ROBO2: variants seen among roughly 807,000 people sequenced by gnomAD.
The protein encoded by ROBO2 is roundabout guidance receptor 2, also known as roundabout homolog 2.
Under a neutral mutation model 160.8 loss-of-function variants are expected in ROBO2, and 53 were observed. The observed-to-expected ratio is 0.33, with a 90% CI of 0.26 to 0.41. The LOEUF is 0.41. Ranked by LOEUF, ROBO2 falls within the 10% of genes least tolerant of loss-of-function variation. The pLI, the probability that ROBO2 is intolerant of heterozygous loss-of-function variation, is 1.00. For synonymous variants in ROBO2, 664 were observed against 611.7 expected (o/e 1.09, Z -1.26); for missense variants, 1,577 against 1,722.4 (o/e 0.92, Z 1.49).
At chr3:75,957,961 T>G (rs35742811) in intron 2 of ROBO2, among the ~76,000 whole-genome samples, 60,880 of 151,494 alleles carry the variant, frequency 0.4, 13,179 homozygotes, top group Non-Finnish European at 0.49. Context: ...TTGTTGTCAT[T>G]TAGAAGAGGA....
intron 2 of ROBO2, among the ~76,000 whole-genome samples, chr3:76,000,193 A>G (rs2065842650): frequency 6.6e-6 from 1 of 152,168 alleles, no homozygotes; most frequent in African/African-American, 2.4e-5. Context: ...TATATTTTGC[A>G]TGATACAATT....
At chr3:76,755,608 C>T (rs1365312903) in intron 2 of ROBO2, among the ~76,000 whole-genome samples, 1 of 151,828 alleles carries the variant, frequency 6.6e-6, no homozygotes, top group Non-Finnish European at 1.5e-5. Context: ...GATTTTTGTT[C>T]TCATGGTGAC....
At chr3:77,403,424 A>G (rs1403292717) in intron 2 of ROBO2, among the ~76,000 whole-genome samples, 1 of 151,978 alleles carries the variant, frequency 6.6e-6, no homozygotes, top group Non-Finnish European at 1.5e-5. Flanking sequence ...TATGACTTCC[A>G]CTGTTTAGAG....
At chr3:76,341,863 A>G (rs899617790) in intron 2 of ROBO2, among the ~76,000 whole-genome samples, 9 of 152,194 alleles carry the variant, frequency 5.9e-5, no homozygotes, top group Admixed American at 4.6e-4. Context: ...GTATTTTCTG[A>G]ATGAATCTTT....
At chr3:76,736,344 G>A (rs929000772) in intron 2 of ROBO2, among the ~76,000 whole-genome samples, 1 of 107,008 alleles carries the variant, frequency 9.3e-6, no homozygotes, top group Non-Finnish European at 2.0e-5. Context: ...CGTATCAGTA[G>A]ACACTGAATA....
At chr3:76,673,016 A>C (rs939309559) in intron 2 of ROBO2, among the ~76,000 whole-genome samples, 2 of 151,946 alleles carry the variant, frequency 1.3e-5, no homozygotes, top group African/African-American at 4.8e-5. Flanking sequence ...AAGTGACAGA[A>C]ATGATAGTAA....
At chr3:77,598,499 A>G (rs1460552314) in intron 19 of ROBO2, among the ~76,000 whole-genome samples, 6 of 134,634 alleles carry the variant, frequency 4.5e-5, no homozygotes, top group African/African-American at 1.6e-4. Context: ...ATATATATAT[A>G]TATACGCACA....
intron 2 of ROBO2, among the ~76,000 whole-genome samples, chr3:77,367,500 G>A (rs2071079983): frequency 6.6e-6 from 1 of 152,000 alleles, no homozygotes; most frequent in Non-Finnish European, 1.5e-5. Flanking sequence ...CCGGACTCGC[G>A]ATAGTTTTCA....
chr3:77,455,789 A>G (rs1375953964), intron 2 of ROBO2, among the ~76,000 whole-genome samples: 1 of 149,976 alleles, frequency 6.7e-6, no homozygotes. Context: ...ATTTTTATTC[A>G]TTCATTAATA....
chr3:76,751,521 G>A (rs1576416302), intron 2 of ROBO2, among the ~76,000 whole-genome samples: 1 of 152,188 alleles, frequency 6.6e-6, no homozygotes, highest in East Asian at 1.9e-4. Context: ...TACAGAATGG[G>A]AGAAAATGTT....
At chr3:76,799,163 G>T (rs983213681) in intron 2 of ROBO2, among the ~76,000 whole-genome samples, 1 of 150,762 alleles carries the variant, frequency 6.6e-6, no homozygotes, top group Non-Finnish European at 1.5e-5. Flanking sequence ...GCGGTGAGCC[G>T]AGATGGCGCC....
intron 2 of ROBO2, among the ~76,000 whole-genome samples, chr3:76,419,763 T>G (rs910470027): frequency 6.6e-6 from 1 of 152,166 alleles, no homozygotes; most frequent in Admixed American, 6.5e-5. Context: ...ATGGGAATCA[T>G]GTAGCTGAAT....
intron 2 of ROBO2, among the ~76,000 whole-genome samples, chr3:77,168,134 C>T (rs1313476671): frequency 2.0e-5 from 3 of 152,172 alleles, no homozygotes; most frequent in Non-Finnish European, 2.9e-5. Flanking sequence ...CTGAGGGTGC[C>T]GTGAACTCCT....
intron 2 of ROBO2, among the ~76,000 whole-genome samples, chr3:76,449,884 C>T (rs149030633): frequency 2.0e-3 from 305 of 152,198 alleles, no homozygotes; most frequent in Non-Finnish European, 3.7e-3. Context: ...AAATATTCCA[C>T]CTGCTCATAC....
At chr3:75,913,274 C>T (rs2324398) in intron 1 of ROBO2, among the ~76,000 whole-genome samples, 2 of 152,272 alleles carry the variant, frequency 1.3e-5, no homozygotes, top group African/African-American at 4.8e-5. Flanking sequence ...ACATGGATGA[C>T]GTGGGATAAT....
Position 75,996,115 on chromosome 3 carries a change from G to A in ROBO2, c.109+58513G>A, listed in dbSNP as rs1318000847. Among the ~76,000 whole-genome samples the A allele has an allele frequency of 2.0e-5, 3 of 152,256 alleles. No individual in the cohort carries two copies. In the East Asian group the frequency reaches 5.8e-4, roughly 30 times the overall value. ...TGAGGTAAGACTTCAGGGGACTGTTGAGAAGGCATGGTTTGTTTTGAAATG... is the reference window on the plus strand; with the variant it reads ...TGAGGTAAGACTTCAGGGGACTGTTAAGAAGGCATGGTTTGTTTTGAAATG... On this transcript the variant is annotated intron_variant, in intron 2 of 26. Transcript: ENST00000487694.
intron 16 of ROBO2, among the ~76,000 whole-genome samples, chr3:77,584,273 C>A (rs895759235): frequency 6.6e-6 from 1 of 152,058 alleles, no homozygotes; most frequent in African/African-American, 2.4e-5. Flanking sequence ...GTATGGATTG[C>A]GGTGCTCCCT....
At chr3:77,522,351 T>C (rs2090689233) in intron 5 of ROBO2, among the ~76,000 whole-genome samples, 1 of 151,300 alleles carries the variant, frequency 6.6e-6, no homozygotes, top group Non-Finnish European at 1.5e-5. Flanking sequence ...TGTTCTTTAA[T>C]ATATTTCGGC....
chr3:76,317,426 T>G (rs976756298), intron 2 of ROBO2, among the ~76,000 whole-genome samples: 3 of 152,108 alleles, frequency 2.0e-5, no homozygotes, highest in African/African-American at 7.2e-5. Flanking sequence ...TTTGGAAAAC[T>G]CTGTCAGACT....
Sources: allele counts gnomAD v4.1 joint callset (sites outside exome capture counted in the v4.1 genomes callset), GRCh38; gene constraint gnomAD v4.1.1; transcripts MANE v1.5; gene names NCBI Gene and HGNC (gene_info 2026-07-23, HGNC 2026-07-21).